Variants in RAPGEF2 observed in about 807,000 individuals in gnomAD.
RAPGEF2 encodes PDZ domain containing guanine nucleotide exchange factor (GEF) 1.
A neutral mutation model predicts 186.7 loss-of-function variants in RAPGEF2; 54 were observed. That is an observed-to-expected ratio of 0.29 (90% CI 0.23 to 0.36). RAPGEF2 has a LOEUF of 0.36. Among genes scored for constraint, RAPGEF2 ranks in the 10% least tolerant of loss-of-function variants. The pLI is 1.00. For synonymous variants in RAPGEF2, 712 were observed against 705.9 expected, an observed-to-expected ratio of 1.01 and a Z score of -0.14; for missense variants, 1,532 against 2,045.0, an observed-to-expected ratio of 0.75 and a Z score of 4.84.
chr4:159,301,855 T>C (rs1762710792), intron 7 of RAPGEF2, among the ~76,000 whole-genome samples: 1 of 152,108 alleles, frequency 6.6e-6, no homozygotes, highest in Admixed American at 6.5e-5. Flanking sequence ...GAAGACCCTG[T>C]CTTTAAAATA....
At chr4:159,255,385 G>A (rs1756032912) in intron 7 of RAPGEF2, among the ~76,000 whole-genome samples, 1 of 149,166 alleles carries the variant, frequency 6.7e-6, no homozygotes, top group Non-Finnish European at 1.5e-5. Flanking sequence ...GTGCCTTTGT[G>A]CTGCCTTCAG....
At chr4:159,147,033 A>G (rs1743025229) in intron 1 of RAPGEF2, among the ~76,000 whole-genome samples, 1 of 152,226 alleles carries the variant, frequency 6.6e-6, no homozygotes, top group Non-Finnish European at 1.5e-5. Context: ...CCTGGCATCA[A>G]GCGTTTCCTC....
intron 3 of RAPGEF2, among the ~76,000 whole-genome samples, chr4:159,201,057 T>C (rs1229348607): frequency 6.6e-6 from 1 of 152,252 alleles, no homozygotes; most frequent in African/African-American, 2.4e-5. Flanking sequence ...ATGCACTTTA[T>C]ATTTCTTTTG....
At chr4:159,196,408 A>T (rs1257418530) in intron 3 of RAPGEF2, among the ~76,000 whole-genome samples, 1 of 152,208 alleles carries the variant, frequency 6.6e-6, no homozygotes, top group Non-Finnish European at 1.5e-5. Flanking sequence ...GTAGTCAGAA[A>T]TATCAAAGGC....
chr4:159,269,392 G>A (rs1032612656), intron 7 of RAPGEF2, among the ~76,000 whole-genome samples: 7 of 152,078 alleles, frequency 4.6e-5, no homozygotes, highest in Middle Eastern at 3.4e-3. Flanking sequence ...TGAGGTCCTC[G>A]TGGTACTTCA....
intron 1 of RAPGEF2, among the ~76,000 whole-genome samples, chr4:159,155,137 G>A (rs558575581): frequency 1.0e-3 from 157 of 152,262 alleles, no homozygotes; most frequent in Non-Finnish European, 1.7e-3. Context: ...CTGTCAGCTA[G>A]TATGTTTCCT....
rs567087849 is a variant in RAPGEF2, at chr4:159,157,248, G to A, written c.70-29394G>A. On this transcript the variant is annotated intron_variant, in intron 1 of 29. Transcript: ENST00000691494. ...AGGACTGCAGCTTTGCCCCTTGAAA[G>A]GATCTTAGGTGGTTATAGCTGAGTA... Among the ~76,000 whole-genome samples, 74 of 152,290 alleles carry A rather than the reference G, an allele frequency of 4.9e-4. 3 individuals carry two copies. In the South Asian group the frequency reaches 9.1e-3, roughly 19 times the overall value.
In RAPGEF2 at chr4:159,184,176, A is replaced by G. The variant is rs11940716; in HGVS notation, c.70-2466A>G. On this transcript the variant is annotated intron_variant, in intron 1 of 29. Coordinates refer to ENST00000691494, the MANE Select transcript of RAPGEF2 (RefSeq NM_001394067.2). ...TCTGGGTTGGTTCCAAGTCTTTGCT[A>G]TTGTGAATAGTGCCGCAATAAACAT... Among the ~76,000 whole-genome samples the G allele has an allele frequency of 3.3e-3, 500 of 152,238 alleles. 6 individuals carry two copies. The highest frequency in any genetic ancestry group is 0.012 in the African/African-American group (482 of 41,538).
chr4:159,313,900 CA>C (rs1301647368), intron 8 of RAPGEF2, among the ~76,000 whole-genome samples: 1 of 152,036 alleles, frequency 6.6e-6, no homozygotes, highest in Non-Finnish European at 1.5e-5. Flanking sequence ...GCTAGTTCAA[CA>C]AAAGAGGCCA....
intron 1 of RAPGEF2, among the ~76,000 whole-genome samples, chr4:159,164,777 G>A (rs951642070): frequency 2.6e-5 from 4 of 152,082 alleles, no homozygotes; most frequent in South Asian, 2.1e-4. Flanking sequence ...ATGTGACGTC[G>A]CTACAAAAAT....
Position 159,352,837 on chromosome 4 carries a change from A to T in RAPGEF2, c.4018A>T (p.Ile1340Phe). ...GAGGCGCCAGAGGCATTCTGTCAGC[A>T]TCGTGGAAACAAACCTAGGGATGGG... Reference protein sequence around the residue: ...DERRQRHSVSIVETNLGMGRM... With the variant: ...DERRQRHSVSFVETNLGMGRM... The change falls in exon 27 of 30, where the codon ATC becomes TTC. Residue 1340 changes from isoleucine (I) to phenylalanine (F), a missense_variant. By Grantham distance (21) the Ile-to-Phe change is conservative (BLOSUM62 0). Transcript: ENST00000691494. The T allele has an allele frequency of 6.2e-7, 1 of 1,614,222 alleles. No individual in the cohort carries two copies. The highest frequency in any genetic ancestry group is 1.1e-5 in the South Asian group (1 of 91,076).
At chr4:159,106,146 C>T (rs935423251) in intron 1 of RAPGEF2, among the ~76,000 whole-genome samples, 3 of 152,242 alleles carry the variant, frequency 2.0e-5, no homozygotes, top group Non-Finnish European at 4.4e-5. Flanking sequence ...TACTAACCCA[C>T]GACATGAAAG....
chr4:159,289,559 C>T (rs886104840), intron 7 of RAPGEF2, among the ~76,000 whole-genome samples: 1 of 152,114 alleles, frequency 6.6e-6, no homozygotes, highest in Non-Finnish European at 1.5e-5. Flanking sequence ...ATATCTTCTA[C>T]TTTAAACTAG....
chr4:159,240,754 G>A (rs1316730530), intron 5 of RAPGEF2, among the ~76,000 whole-genome samples: 2 of 151,066 alleles, frequency 1.3e-5, no homozygotes, highest in South Asian at 4.2e-4. Flanking sequence ...CATTCTGTTA[G>A]CACTGTTTTT....
At chr4:159,166,724 T>C (rs1056288605) in intron 1 of RAPGEF2, among the ~76,000 whole-genome samples, 10 of 152,180 alleles carry the variant, frequency 6.6e-5, no homozygotes, top group Non-Finnish European at 5.9e-5. Context: ...ATTTCATATA[T>C]ACATTAAAAA....
intron 7 of RAPGEF2, among the ~76,000 whole-genome samples, chr4:159,281,448 C>T (rs1480921035): frequency 1.3e-5 from 2 of 151,604 alleles, no homozygotes; most frequent in South Asian, 2.1e-4. Context: ...GCAGGTGGAT[C>T]ACCTGAAGAT....
chr4:159,270,966 A>G (rs957795164), intron 7 of RAPGEF2, among the ~76,000 whole-genome samples: 1 of 152,202 alleles, frequency 6.6e-6, no homozygotes, highest in African/African-American at 2.4e-5. Context: ...ATTTCTTTTT[A>G]AAATAAGAGG....
rs1579208987 is a variant in RAPGEF2 at position 159,111,247 on chromosome 4, C to T, written c.69+7016C>T. On this transcript the variant is annotated intron_variant, in intron 1 of 29. Transcript: ENST00000691494. ...TCCACCTCTTCTGTGCTTTCATATC[C>T]ATTATGTATAAGAAGTGTTTTGGGA... Among the ~76,000 whole-genome samples the T allele has an allele frequency of 2.0e-5, 3 of 152,136 alleles. No homozygotes were observed. In the East Asian group the frequency reaches 5.8e-4, roughly 29 times the overall value.
chr4:159,121,698 A>C (rs2111097083), intron 1 of RAPGEF2, among the ~76,000 whole-genome samples: 1 of 152,076 alleles, frequency 6.6e-6, no homozygotes, highest in East Asian at 1.9e-4. Context: ...AATTGCCACA[A>C]TTTGAAAAAA....
Sources: allele counts gnomAD v4.1 joint callset (sites outside exome capture counted in the v4.1 genomes callset), GRCh38; gene constraint gnomAD v4.1.1; transcripts MANE v1.5; gene names NCBI Gene and HGNC (gene_info 2026-07-23, HGNC 2026-07-21).